ABI1: variants seen among roughly 807,000 people sequenced by gnomAD.
The protein encoded by ABI1 is Abelson interactor 1.
A neutral mutation model predicts 54.6 loss-of-function variants in ABI1; 14 were observed. That is an observed-to-expected ratio of 0.26 (90% CI 0.17 to 0.40). The LOEUF (loss-of-function observed/expected upper bound fraction) is 0.40, where lower values mean the gene tolerates loss of function less well. Among genes scored for constraint, ABI1 ranks in the 10% least tolerant of loss-of-function variants. The probability of loss-of-function intolerance (pLI) is 1.00; values close to 1 mark genes in which losing one functional copy is unlikely to be tolerated. For synonymous variants in ABI1, 194 were observed against 209.3 expected, an observed-to-expected ratio of 0.93 and a Z score of 0.63; for missense variants, 443 against 598.3, an observed-to-expected ratio of 0.74 and a Z score of 2.71.
rs564733922 is a variant in ABI1 at position 26,783,501 on chromosome 10, T to C, written c.286-6260A>G. Among the ~76,000 whole-genome samples the C allele has an allele frequency of 4.6e-5, 7 of 152,348 alleles. No homozygotes were observed. The South Asian group carries it at 1.4e-3, about 32-fold the overall frequency. Reference sequence around the variant, plus strand: ...TTAATCAACTCAAAAGATTTCTGAGTATACCTCTGTCACCTCCTCCTGGTC... The same window carrying C: ...TTAATCAACTCAAAAGATTTCTGAGCATACCTCTGTCACCTCCTCCTGGTC... On this transcript the variant is annotated intron_variant, in intron 2 of 10. Transcript: ENST00000376140.
intron 2 of ABI1, among the ~76,000 whole-genome samples, chr10:26,820,187 T>C (rs1191642403): frequency 6.6e-6 from 1 of 152,198 alleles, no homozygotes; most frequent in Non-Finnish European, 1.5e-5. Context: ...TTAAATGCTC[T>C]CGCCACACAC....
chr10:26,823,294 C>T lies in ABI1; in HGVS notation c.129G>A (p.Lys43=). ...CENNYIQATD[K]RKALEETKAY... ...CTTTGGTCTCCTCTAAAGCTTTTCT[C>T]TTGTCTGTAGCCTGAAATAAGAACA... is the stretch of plus-strand genomic sequence containing the variant. Residue 43 remains lysine, a synonymous_variant, in exon 2 of 11, where the codon AAG becomes AAA. Coordinates refer to ENST00000376140, the MANE Select transcript of ABI1 (RefSeq NM_001012750.3). 6.5e-7 allele frequency: 1 copy of T among 1,531,328 alleles called. No homozygotes were observed. Among genetic ancestry groups the T allele is most frequent in the Non-Finnish European group, 8.7e-7 (1 of 1,149,684 alleles). The allele number at this position is 1,531,328 out of a possible 1,614,324, so 94.9% of individuals were successfully genotyped here. A position where few individuals can be genotyped will look rare whatever the true frequency, so the allele number is the denominator to read the frequency against.
intron 1 of ABI1, among the ~76,000 whole-genome samples, chr10:26,858,041 C>T (rs530385594): frequency 4.1e-4 from 62 of 152,252 alleles, no homozygotes; most frequent in African/African-American, 1.4e-3. Context: ...CTAAACTGGA[C>T]TGCACTTTCA....
intron 2 of ABI1, among the ~76,000 whole-genome samples, chr10:26,786,185 TAA>T (rs1444242313): frequency 1.3e-5 from 2 of 152,092 alleles, no homozygotes; most frequent in Non-Finnish European, 1.5e-5. Context: ...TTACAAAACG[TAA>T]AGAGCCCCAT....
intron 7 of ABI1, among the ~76,000 whole-genome samples, chr10:26,760,782 C>T (rs931647369): frequency 1.3e-5 from 2 of 148,432 alleles, no homozygotes; most frequent in Non-Finnish European, 3.0e-5. Flanking sequence ...CCCAGCTACT[C>T]GGGAGGTTGA....
rs2051244178 is a variant in ABI1, at chr10:26,860,735, A to C, written c.117+12T>G. 6.2e-7 allele frequency: 1 copy of C among 1,608,922 alleles called. No homozygotes were observed. The highest frequency in any genetic ancestry group is 8.5e-7 in the Non-Finnish European group (1 of 1,175,778). ...ACCCGGCCAGCGCCCGCCGGCCGCC[A>C]GAGCGCCTCACCTGTATGTAGTTGT... On this transcript the variant is annotated intron_variant, in intron 1 of 10. Coordinates refer to ENST00000376140, the MANE Select transcript of ABI1 (RefSeq NM_001012750.3). This position sits in a 1 kb window ranked among gnomAD's most constrained non-coding sequence, Gnocchi z 4.1.
At chr10:26,795,792 T>C (rs1844078380) in intron 2 of ABI1, among the ~76,000 whole-genome samples, 1 of 152,068 alleles carries the variant, frequency 6.6e-6, no homozygotes, top group South Asian at 2.1e-4. Flanking sequence ...ATAGGAATAA[T>C]TAATATTGTT....
chr10:26,765,364 A>G, intron 6 of ABI1, 46 bp from the exon 7 acceptor site: 1 of 1,395,532 alleles, frequency 7.2e-7, no homozygotes, highest in Non-Finnish European at 9.8e-7. Context: ...CTAGAGACAT[A>G]TTTAAAAAAA....
intron 2 of ABI1, among the ~76,000 whole-genome samples, chr10:26,808,079 ACT>A (rs1345048930): frequency 2.6e-5 from 4 of 151,854 alleles, no homozygotes; most frequent in Middle Eastern, 3.4e-3. Context: ...GCGTCACGAG[ACT>A]CTGTTCAAAA....
chr10:26,860,660 G>C lies in ABI1; in HGVS notation c.117+87C>G, dbSNP rs1317153389. ...GGGTTGGTGGCAGCCGCTGAGGTCA[G>C]GGCAGTTCCCCACCCCGCCCAGTGG... On this transcript the variant is annotated intron_variant, in intron 1 of 10. Coordinates refer to ENST00000376140, the MANE Select transcript of ABI1 (RefSeq NM_001012750.3). This position sits in a 1 kb window ranked among gnomAD's most constrained non-coding sequence, Gnocchi z 4.1. The C allele has an allele frequency of 9.4e-7, 1 of 1,067,464 alleles. No homozygotes were observed. The highest frequency in any genetic ancestry group is 1.4e-6 in the Non-Finnish European group (1 of 694,130). The allele number at this position is 1,067,464 out of a possible 1,614,324, so 66.1% of individuals were successfully genotyped here. A position where few individuals can be genotyped will look rare whatever the true frequency, so the allele number is the denominator to read the frequency against.
chr10:26,792,727 G>C (rs921030954), intron 2 of ABI1, among the ~76,000 whole-genome samples: 3 of 152,150 alleles, frequency 2.0e-5, no homozygotes, highest in Non-Finnish European at 2.9e-5. Context: ...ATTATATTTA[G>C]AGAGGAAAAC....
chr10:26,821,389 C>T (rs1012838748), intron 2 of ABI1, among the ~76,000 whole-genome samples: 6 of 151,606 alleles, frequency 4.0e-5, no homozygotes, highest in East Asian at 3.9e-4. Flanking sequence ...TTTTTAATAT[C>T]GATAAAGTTG....
rs778134413 is a variant in ABI1, at chr10:26,768,954, G to T, written c.617C>A (p.Pro206His). ...CATATAGTCATTAGGAACTGTTGGG[G>T]GTTTAACAGGTTCCAGGGTTTTATA... is the stretch of plus-strand genomic sequence containing the variant. ...TPYKTLEPVK[P>H]PTVPNDYMTS... The change falls in exon 6 of 11, where the codon CCC becomes CAC. Residue 206 changes from proline to histidine, a missense_variant. Pro to His is a moderately conservative substitution (Grantham distance 77). Around this residue, in one of 2 missense-constraint regions of ABI1, gnomAD observed 394 missense variants for 484.8 expected, o/e 0.81. Transcript: ENST00000376140. The T allele has an allele frequency of 8.7e-6, 14 of 1,612,536 alleles. No individual in the cohort carries two copies. The highest frequency in any genetic ancestry group is 1.2e-5 in the Non-Finnish European group (14 of 1,178,988).
chr10:26,777,291 T>C, intron 2 of ABI1, 50 bp from the exon 3 acceptor site: 1 of 1,468,798 alleles, frequency 6.8e-7, no homozygotes, highest in Non-Finnish European at 9.2e-7. Flanking sequence ...ACATAATATG[T>C]TTGCTATCCA....
chr10:26,835,852 T>C (rs1433435984), intron 1 of ABI1, among the ~76,000 whole-genome samples: 1 of 150,882 alleles, frequency 6.6e-6, no homozygotes, highest in Non-Finnish European at 1.5e-5. Flanking sequence ...AGCCTTGAAA[T>C]CCTGGGCTCA....
chr10:26,755,611 G>A, intron 9 of ABI1, 44 bp downstream of exon 9: 2 of 1,471,538 alleles, frequency 1.4e-6, no homozygotes, highest in Non-Finnish European at 1.9e-6. Flanking sequence ...ATGCTATAAG[G>A]AGACAGCCTC....
At chr10:26,841,646 C>CTT (rs75765839) in intron 1 of ABI1, among the ~76,000 whole-genome samples, 2 of 150,658 alleles carry the variant, frequency 1.3e-5, no homozygotes, top group East Asian at 2.0e-4. Context: ...ATATTTGACT[C>CTT]TTTTTTTTTA....
At chr10:26,751,525 G>C in intron 10 of ABI1, 73 bp downstream of exon 10, 1 of 1,438,686 alleles carries the variant, frequency 7.0e-7, no homozygotes, top group Non-Finnish European at 9.4e-7. Context: ...CATTGGATTA[G>C]ATGTTCTTTA....
At chr10:26,822,161 CAT>C (rs142840255) in intron 2 of ABI1, among the ~76,000 whole-genome samples, 5 of 151,448 alleles carry the variant, frequency 3.3e-5, no homozygotes, top group South Asian at 4.2e-4. Flanking sequence ...TATTAATAGA[CAT>C]ATATATATAT....
Sources: allele counts gnomAD v4.1 joint callset (sites outside exome capture counted in the v4.1 genomes callset), GRCh38; gene constraint gnomAD v4.1.1; regional missense constraint gnomAD v4.1.1; non-coding constraint Gnocchi (gnomAD v3.1); transcripts MANE v1.5; gene names NCBI Gene and HGNC (gene_info 2026-07-23, HGNC 2026-07-21).